Variants in HMCN2 observed in about 807,000 individuals in gnomAD.
HMCN2 encodes hemicentin-2.
Under a neutral mutation model 377.5 loss-of-function variants are expected in HMCN2, and 325 were observed. The ratio of observed to expected loss-of-function variants is 0.86; its 90% CI spans 0.79 to 0.94. The LOEUF is 0.94. HMCN2 is among the 40% of genes least tolerant of loss of function. The pLI is 0.00. For missense variants in HMCN2, 4,543 were observed against 4,725.3 expected, an observed-to-expected ratio of 0.96 and a Z score of 1.13; for synonymous variants, 2,007 against 2,046.8, an observed-to-expected ratio of 0.98 and a Z score of 0.53.
chr9:130,385,796 C>T lies in HMCN2; in HGVS notation c.9309+34C>T, dbSNP rs996440955. 40 of 1,285,792 alleles carry T rather than the reference C, an allele frequency of 3.1e-5. No homozygotes were observed. The South Asian group carries it at 3.2e-4, about 10-fold the overall frequency. The allele number at this position is 1,285,792 out of a possible 1,614,324, so 79.6% of individuals were successfully genotyped here. ...CCCTGGGGGCACGGGCAGCCATGAG[C>T]GCTGCAGGAAAGTCGCCTCCCAGCC... On this transcript the variant is annotated intron_variant, in intron 60 of 97. Coordinates refer to ENST00000683500, the MANE Select transcript of HMCN2 (RefSeq NM_001291815.2).
chr9:130,316,434 GA>G (rs1319285200), intron 15 of HMCN2, among the ~76,000 whole-genome samples: 9 of 151,922 alleles, frequency 5.9e-5, no homozygotes, highest in Non-Finnish European at 1.3e-4. Flanking sequence ...GGCAGAGCAG[GA>G]AAAAAAGGAC....
chr9:130,386,938 T>C (rs1842052535), intron 61 of HMCN2, among the ~76,000 whole-genome samples: 2 of 152,240 alleles, frequency 1.3e-5, no homozygotes, highest in African/African-American at 4.8e-5. Context: ...TGAATGAGTC[T>C]AAAAGCAGTA....
intron 54 of HMCN2, among the ~76,000 whole-genome samples, chr9:130,380,302 C>A (rs1194678618): frequency 6.6e-6 from 1 of 151,966 alleles, no homozygotes; most frequent in Admixed American, 6.5e-5. Context: ...TAAAAGGCTC[C>A]AGGGGTGGGG....
At chr9:130,395,131 GGGCAGGGCCGGGA>G (rs1405621752) in intron 70 of HMCN2, 23 bp downstream of exon 70, 97 of 1,240,506 alleles carry the variant, frequency 7.8e-5, no homozygotes, top group Non-Finnish European at 9.7e-5. Context: ...GGTGGGGTGG[GGGCAGGGCCGGGA>G]GGCAGGACGG....
Position 130,399,646 on chromosome 9 carries a change from G to C in HMCN2, c.11605+14G>C. On this transcript the variant is annotated intron_variant, in intron 76 of 97. Transcript: ENST00000683500. ...TGACCGTCCATGGTGAGTCGGGGCAGAGGTGGAGGGGGACACCTGGGGTGG... is the reference window on the plus strand; with the variant it reads ...TGACCGTCCATGGTGAGTCGGGGCACAGGTGGAGGGGGACACCTGGGGTGG... 1 of 1,282,250 alleles carries C rather than the reference G, an allele frequency of 7.8e-7. No homozygotes were observed. The highest frequency in any genetic ancestry group is 1.0e-6 in the Non-Finnish European group (1 of 982,830). The allele number at this position is 1,282,250 out of a possible 1,614,324, so 79.4% of individuals were successfully genotyped here.
chr9:130,268,144 G>A (rs1426627259), intron 1 of HMCN2, among the ~76,000 whole-genome samples: 2 of 152,080 alleles, frequency 1.3e-5, no homozygotes, highest in Non-Finnish European at 2.9e-5. Flanking sequence ...GCCAGATGTC[G>A]TGTCCTGAAG....
chr9:130,284,833 A>G (rs919689319), intron 2 of HMCN2, among the ~76,000 whole-genome samples, 160 bp downstream of exon 2: 7 of 152,106 alleles, frequency 4.6e-5, no homozygotes, highest in Non-Finnish European at 7.4e-5. Flanking sequence ...AGCTGCTCCC[A>G]TGGCCCCCTC....
Position 130,384,678 on chromosome 9 carries a change from C to G in HMCN2, c.8993-7C>G, listed in dbSNP as rs1486633160. 1 of 1,302,238 alleles carries G rather than the reference C, an allele frequency of 7.7e-7. No homozygotes were observed. Among genetic ancestry groups the G allele is most frequent in the Admixed American group, 2.3e-5 (1 of 43,570 alleles). The allele number at this position is 1,302,238 out of a possible 1,614,324, so 80.7% of individuals were successfully genotyped here. The stretch of plus-strand genomic sequence containing the variant: ...TGCTGGTGTGAGGGGCTGGCTTCCC[C>G]CGGCAGGCACCCACACGCTGCAGCT... On this transcript the variant is annotated splice_polypyrimidine_tract_variant and splice_region_variant and intron_variant, in intron 58 of 97. Coordinates refer to ENST00000683500, the MANE Select transcript of HMCN2 (RefSeq NM_001291815.2).
At chr9:130,392,723 T>A (rs144158902) in intron 66 of HMCN2, among the ~76,000 whole-genome samples, 1 of 149,620 alleles carries the variant, frequency 6.7e-6, no homozygotes, top group Non-Finnish European at 1.5e-5. Flanking sequence ...GCAGGCCGGG[T>A]GCGGTGGCTC....
intron 92 of HMCN2, among the ~76,000 whole-genome samples, chr9:130,427,837 G>A (rs968162514): frequency 3.3e-5 from 5 of 152,300 alleles, no homozygotes; most frequent in Admixed American, 2.0e-4. Flanking sequence ...CCAGGTATCA[G>A]GGGGTGATGG....
rs755383762 is a variant in HMCN2, at chr9:130,390,958, G to GGACC, written c.9524-18_9524-15dup. Reference sequence around the variant, plus strand: ...ACAAGAAGGGGCTGGGGGATTCAGGGGACCCCTCTGTCCCACAGAGAGCAG... The same window carrying GGACC: ...ACAAGAAGGGGCTGGGGGATTCAGGGGACCGACCCCTCTGTCCCACAGAGAGCAG... On this transcript the variant is annotated intron_variant, in intron 62 of 97. Transcript: ENST00000683500. 1.0e-6 allele frequency: 1 copy of GGACC among 986,338 alleles called. No homozygotes were observed. The allele number at this position is 986,338 out of a possible 1,614,324, so 61.1% of individuals were successfully genotyped here. A position where few individuals can be genotyped will look rare whatever the true frequency, so the allele number is the denominator to read the frequency against.
At position 130,385,674 on chromosome 9, in the gene HMCN2, C is replaced by A. The variant is rs1413946736; in HGVS notation, c.9221C>A (p.Thr3074Asn). The A allele has an allele frequency of 7.7e-7, 1 of 1,304,214 alleles. No homozygotes were observed. The highest frequency in any genetic ancestry group is 2.3e-5 in the Admixed American group (1 of 43,570). 80.8% of individuals were successfully genotyped at this position (1,304,214 alleles called of 1,614,324 possible). The change falls in exon 60 of 98, where the codon ACC becomes AAC. Residue 3074 changes from threonine to asparagine, a missense_variant. Thr to Asn is a moderately conservative substitution (Grantham distance 65). Around this residue, in one of 5 missense-constraint regions of HMCN2, gnomAD observed 736 missense variants for 773.2 expected, o/e 0.95. Coordinates refer to ENST00000683500, the MANE Select transcript of HMCN2 (RefSeq NM_001291815.2). ...GATGCGCTCCCTGAGCCAACTGTGA[C>A]CTGGTACAAGGATGGGCAGCCCCTG... ...ETDALPEPTV[T>N]WYKDGQPLVL...
At chr9:130,366,304 GC>G (rs1467971325) in intron 43 of HMCN2, among the ~76,000 whole-genome samples, 4 of 152,108 alleles carry the variant, frequency 2.6e-5, no homozygotes, top group Non-Finnish European at 5.9e-5. Flanking sequence ...CCTCCCTGAT[GC>G]AGTCCCTGTC....
Position 130,328,527 on chromosome 9 carries a change from A to G in HMCN2, c.3359+1052A>G, listed in dbSNP as rs971615366. On this transcript the variant is annotated intron_variant, in intron 22 of 97. Coordinates refer to ENST00000683500, the MANE Select transcript of HMCN2 (RefSeq NM_001291815.2). ...TAAATTTGCGAAAGCCACTTTTGCA[A>G]TCCTAGAGTTGTGTTGTGTTCCCTC... is the stretch of plus-strand genomic sequence containing the variant. 4.5e-3 allele frequency among the ~76,000 whole-genome samples: 686 copies of G among 152,198 alleles called. 1 individual carries two copies. Among genetic ancestry groups the G allele is most frequent in the Non-Finnish European group, 7.6e-3 (514 of 67,998 alleles).
At chr9:130,328,339 G>A (rs977055853) in intron 22 of HMCN2, among the ~76,000 whole-genome samples, 2 of 152,140 alleles carry the variant, frequency 1.3e-5, no homozygotes, top group African/African-American at 4.8e-5. Flanking sequence ...GGCCGTGGGA[G>A]CCCACAGCTC....
At chr9:130,301,230 C>G (rs1836489421) in intron 8 of HMCN2, among the ~76,000 whole-genome samples, 1 of 152,228 alleles carries the variant, frequency 6.6e-6, no homozygotes, top group African/African-American at 2.4e-5. Context: ...TACTGTGGTT[C>G]CGGGGCCTCT....
intron 42 of HMCN2, 41 bp from the exon 43 acceptor site, chr9:130,365,835 T>A (rs926136608): frequency 1.0e-6 from 1 of 983,222 alleles, no homozygotes; most frequent in Admixed American, 6.2e-5. Flanking sequence ...CCTCCCCATC[T>A]CAGCCCCACC....
At chr9:130,389,864 C>A (rs567188744) in intron 62 of HMCN2, among the ~76,000 whole-genome samples, 2 of 152,228 alleles carry the variant, frequency 1.3e-5, no homozygotes, top group African/African-American at 4.8e-5. Flanking sequence ...CATGAGCCAC[C>A]GTGCCCAGCC....
At chr9:130,352,815 A>G (rs1384337955) in intron 30 of HMCN2, 112 bp from the exon 31 acceptor site, 13 of 899,392 alleles carry the variant, frequency 1.4e-5, no homozygotes, top group African/African-American at 8.9e-5. Context: ...TGCCCCCGCA[A>G]TGGAAGCCTG....
Sources: gnomAD v4.1 joint callset for allele counts (sites outside exome capture counted in the v4.1 genomes callset) on GRCh38, gnomAD v4.1.1 for gene constraint, gnomAD v4.1.1 regional missense constraint, MANE v1.5 for transcripts, NCBI Gene and HGNC (gene_info 2026-07-23, HGNC 2026-07-21) for gene names.